Variants in QTMAN observed in about 807,000 individuals in gnomAD.
QTMAN encodes queuosine-tRNA mannosyltransferase, also known as tRNA-queuosine alpha-mannosyltransferase.
At chr2:143,961,842 C>A in the QTMAN span, among the ~76,000 whole-genome samples, 1 of 152,100 alleles carries the variant, frequency 6.6e-6, no homozygotes, top group African/African-American at 2.4e-5. Context: ...TGGATTCTCA[C>A]AGGACACATT....
At chr2:143,961,253 G>T in the QTMAN span, among the ~76,000 whole-genome samples, 1 of 152,090 alleles carries the variant, frequency 6.6e-6, no homozygotes, top group African/African-American at 2.4e-5. Context: ...CTCCTGTTCT[G>T]ATAGGCATTG....
At chr2:144,057,677 T>C in the QTMAN span, among the ~76,000 whole-genome samples, 1 of 152,238 alleles carries the variant, frequency 6.6e-6, no homozygotes, top group Non-Finnish European at 1.5e-5. Flanking sequence ...AGAATTATAA[T>C]ACCTCTTCCA....
the QTMAN span, among the ~76,000 whole-genome samples, chr2:144,125,456 T>C: frequency 6.6e-6 from 1 of 152,050 alleles, no homozygotes; most frequent in Non-Finnish European, 1.5e-5. Flanking sequence ...TAGCAATTTT[T>C]TCAAGTGAAT....
At chr2:144,305,287 A>G in the QTMAN span, among the ~76,000 whole-genome samples, 2 of 152,210 alleles carry the variant, frequency 1.3e-5, no homozygotes, top group Admixed American at 1.3e-4. Context: ...TATATAGTAC[A>G]TGAAAGGGGT....
chr2:144,170,383 G>A, the QTMAN span, among the ~76,000 whole-genome samples: 3 of 152,174 alleles, frequency 2.0e-5, no homozygotes, highest in Non-Finnish European at 4.4e-5. Context: ...TAAGCAGCAT[G>A]AGCATCATTT....
At chr2:143,974,887 C>T in the QTMAN span, among the ~76,000 whole-genome samples, 61,495 of 151,884 alleles carry the variant, frequency 0.4, 13,057 homozygotes, top group East Asian at 0.51. Context: ...CCTATAATCC[C>T]TATACATTTG....
chr2:144,022,276 C>A, the QTMAN span, among the ~76,000 whole-genome samples: 1 of 151,420 alleles, frequency 6.6e-6, no homozygotes, highest in Middle Eastern at 3.4e-3. Flanking sequence ...TATCTCTTTC[C>A]TATTTTCTTT....
At chr2:144,045,427 G>C in the QTMAN span, among the ~76,000 whole-genome samples, 8,640 of 152,256 alleles carry the variant, frequency 0.057, 822 homozygotes, top group African/African-American at 0.19. Context: ...TAACGAAGCA[G>C]AAGATGCAAG....
chr2:143,940,290 T>C, the QTMAN span: 4 of 152,374 alleles, frequency 2.6e-5, no homozygotes, highest in Non-Finnish European at 5.9e-5. Context: ...AGCAGCTCTG[T>C]TTCTCACCGT....
At chr2:144,213,584 T>A in the QTMAN span, among the ~76,000 whole-genome samples, 1 of 152,184 alleles carries the variant, frequency 6.6e-6, no homozygotes, top group African/African-American at 2.4e-5. Context: ...CTTTCTGTTA[T>A]TAGTTAGTTG....
chr2:144,174,948 G>A, the QTMAN span, among the ~76,000 whole-genome samples: 1 of 152,076 alleles, frequency 6.6e-6, no homozygotes, highest in African/African-American at 2.4e-5. Context: ...AGGGAATCAG[G>A]ATAATAAAAG....
At chr2:144,316,932 C>T in the QTMAN span, among the ~76,000 whole-genome samples, 1 of 152,164 alleles carries the variant, frequency 6.6e-6, no homozygotes, top group Non-Finnish European at 1.5e-5. Context: ...TAACTTGTTT[C>T]CTCATAAGGA....
chr2:144,004,534 A>G, the QTMAN span, among the ~76,000 whole-genome samples: 1 of 152,016 alleles, frequency 6.6e-6, no homozygotes, highest in Non-Finnish European at 1.5e-5. Flanking sequence ...TTCAGCTCAC[A>G]ACATTTGCAT....
At chr2:144,013,703 TTAAAA>T in the QTMAN span, among the ~76,000 whole-genome samples, 3 of 151,958 alleles carry the variant, frequency 2.0e-5, no homozygotes, top group Admixed American at 1.3e-4. Context: ...AAAATAGAAA[TTAAAA>T]TAAATAAGTT....
chr2:143,954,669 T>A, the QTMAN span, among the ~76,000 whole-genome samples: 1 of 152,222 alleles, frequency 6.6e-6, no homozygotes, highest in East Asian at 1.9e-4. Context: ...ATGATATACA[T>A]TACTTAGATG....
At chr2:144,133,121 A>ATT in the QTMAN span, among the ~76,000 whole-genome samples, 1 of 19,040 alleles carries the variant, frequency 5.3e-5, no homozygotes, top group African/African-American at 2.6e-4. Context: ...CTGGTAATAT[A>ATT]TATATATATA....
At chr2:144,235,246 T>C in the QTMAN span, among the ~76,000 whole-genome samples, 2 of 151,992 alleles carry the variant, frequency 1.3e-5, no homozygotes, top group Non-Finnish European at 2.9e-5. Context: ...AGCCAGGCAA[T>C]AGACTGATTT....
the QTMAN span, among the ~76,000 whole-genome samples, chr2:144,305,628 T>C: frequency 1.3e-5 from 2 of 152,222 alleles, no homozygotes; most frequent in African/African-American, 4.8e-5. Context: ...CTTTGCCTTT[T>C]CTGAAGAAGA....
chr2:143,959,124 C>T, the QTMAN span, among the ~76,000 whole-genome samples: 3 of 152,028 alleles, frequency 2.0e-5, no homozygotes, highest in Non-Finnish European at 2.9e-5. Context: ...AGACACTAAA[C>T]GTTCTATTTT....
Sources: gnomAD v4.1 joint callset for allele counts (sites outside exome capture counted in the v4.1 genomes callset) on GRCh38, gnomAD v4.1.1 for gene constraint, MANE v1.5 for transcripts, NCBI Gene and HGNC (gene_info 2026-07-23, HGNC 2026-07-21) for gene names.